The following COL7A1 variants were observed in gnomAD, a reference collection of about 807,000 sequenced individuals.
The protein encoded by COL7A1 is collagen type VII alpha 1 chain, also known as collagen alpha-1(VII) chain.
A neutral mutation model predicts 456.2 loss-of-function variants in COL7A1; 296 were observed. The ratio of observed to expected loss-of-function variants is 0.65; its 90% confidence interval spans 0.59 to 0.71. COL7A1 has a LOEUF of 0.71. Among genes scored for constraint, COL7A1 ranks in the 30% least tolerant of loss-of-function variants. The pLI is 0.00. For missense variants in COL7A1, 3,441 were observed against 4,017.2 expected (o/e 0.86, Z 3.88); for synonymous variants, 1,464 against 1,525.9 (o/e 0.96, Z 0.95).
chr3:48,580,076 A>G lies in COL7A1; in HGVS notation c.5098-19T>C. On this transcript the variant is annotated intron_variant, in intron 56 of 118. Coordinates refer to ENST00000681320, the MANE Select transcript of COL7A1 (RefSeq NM_000094.4). This position sits in a 1 kb window ranked among gnomAD's most constrained non-coding sequence, Gnocchi z 4.5. ...GGGGACCCTGGGAAAGGAAATGATTATAGTCAATAGGAGCCCTCAGGTCCC... is the reference window on the plus strand; with the variant it reads ...GGGGACCCTGGGAAAGGAAATGATTGTAGTCAATAGGAGCCCTCAGGTCCC... 6.2e-7 allele frequency: 1 copy of G among 1,613,640 alleles called. No individual in the cohort carries two copies. The highest frequency in any genetic ancestry group is 8.5e-7 in the Non-Finnish European group (1 of 1,179,764).
In COL7A1 at chr3:48,565,416, C is replaced by T. The variant is rs1575415309; in HGVS notation, c.8521G>A (p.Glu2841Lys). ...VPVLRVSHAE[E>K]EERVPPEDDE... is the part of the protein sequence containing the mutation. ...CGGGTTCAGCTGTCCTCACCTTCCT[C>T]CTCTGCATGAGAGACGCGGAGCACA... Residue 2841 changes from glutamate to lysine, a missense_variant, in exon 116 of 119, where the codon GAG (glutamate) becomes AAG (lysine). Glu to Lys is a moderately conservative substitution (Grantham distance 56). Coordinates refer to ENST00000681320, the MANE Select transcript of COL7A1 (RefSeq NM_000094.4). The surrounding 1 kb of genome is among the most constrained non-coding windows in gnomAD (Gnocchi z 4.5). 1 of 1,609,266 alleles carries T rather than the reference C, an allele frequency of 6.2e-7. No homozygotes were observed. Among genetic ancestry groups the T allele is most frequent in the Non-Finnish European group, 8.5e-7 (1 of 1,177,886 alleles).
Position 48,586,471 on chromosome 3 carries a change from G to A in COL7A1, c.3411C>T (p.Ala1137=), listed in dbSNP as rs548139799. ...ACATGTATCTGTGAGCTGTGACCAC[G>A]GCTGTGCCTGGAAGGAAGGACATGT... The part of the protein sequence containing the change: ...MDPSGNNLGT[A]VVTAHRYMLA... Residue 1137 remains alanine, a synonymous_variant, in exon 27 of 119, where the codon GCC becomes GCT. Coordinates refer to ENST00000681320, the MANE Select transcript of COL7A1 (RefSeq NM_000094.4). The surrounding 1 kb of genome is among the most constrained non-coding windows in gnomAD (Gnocchi z 5.1). 49 of 1,613,774 alleles carry A rather than the reference G, an allele frequency of 3.0e-5. No homozygotes were observed. Among genetic ancestry groups the A allele is most frequent in the South Asian group, 9.9e-5 (9 of 91,080 alleles).
rs181486713 is a variant in COL7A1 at position 48,592,901 on chromosome 3, C to T, written c.720G>A (p.Leu240=). The change falls in exon 7 of 119, where the codon CTG becomes CTA. Residue 240 remains leucine, a synonymous_variant. Transcript: ENST00000681320. The surrounding 1 kb of genome is among the most constrained non-coding windows in gnomAD (Gnocchi z 7.6). The stretch of plus-strand genomic sequence containing the variant: ...TCAAGGATTGGCTGCTTGGCTCAGA[C>T]AGCACCAGGTCTCGTGGAGCAGAGG... ...DSTSAPRDLV[L]SEPSSQSLRV... 6.2e-6 allele frequency: 10 copies of T among 1,614,046 alleles called. No individual in the cohort carries two copies. The Admixed American group carries it at 1.5e-4, about 24-fold the overall frequency.
chr3:48,582,744 G>T, intron 44 of COL7A1, 91 bp from the exon 45 acceptor site: 1 of 1,410,424 alleles, frequency 7.1e-7, no homozygotes, highest in Non-Finnish European at 9.9e-7. Flanking sequence ...GGCTGGAGAG[G>T]GGTCAGGGAA....
At position 48,594,660 on chromosome 3, in the gene COL7A1, G is replaced by T; in HGVS notation, c.86-112C>A. ...GTGGGGAGAGTAGGCCTCATCTTAT[G>T]CAAACCAGGGCCGAATCGGCCTGAG... On this transcript the variant is annotated intron_variant, in intron 2 of 118. Transcript: ENST00000681320. The surrounding 1 kb of genome is among the most constrained non-coding windows in gnomAD (Gnocchi z 5.5). The T allele has an allele frequency of 7.7e-7, 1 of 1,292,964 alleles. No individual in the cohort carries two copies. Among genetic ancestry groups the T allele is most frequent in the Non-Finnish European group, 1.1e-6 (1 of 938,188 alleles). 80.1% of individuals were successfully genotyped at this position (1,292,964 alleles called of 1,614,324 possible). A position where few individuals can be genotyped will look rare whatever the true frequency, so the allele number is the denominator to read the frequency against.
Position 48,575,202 on chromosome 3 carries a change from C to T in COL7A1, c.6216+5G>A. ...GCCTGCCCCACGAAGCCCATCGCAG[C>T]CCACCTGTTCTCCACGTTCTCCTTT... On this transcript the variant is annotated splice_donor_5th_base_variant and intron_variant, in intron 75 of 118. Coordinates refer to ENST00000681320, the MANE Select transcript of COL7A1 (RefSeq NM_000094.4). The surrounding 1 kb of genome is among the most constrained non-coding windows in gnomAD (Gnocchi z 6.3). The T allele has an allele frequency of 6.2e-7, 1 of 1,614,024 alleles. No individual in the cohort carries two copies. The highest frequency in any genetic ancestry group is 8.5e-7 in the Non-Finnish European group (1 of 1,179,998).
chr3:48,574,709 TG>T lies in COL7A1; in HGVS notation c.6360del (p.Ser2121AlafsTer85). 6.2e-7 allele frequency: 1 copy of T among 1,613,972 alleles called. No individual in the cohort carries two copies. Among genetic ancestry groups the T allele is most frequent in the Non-Finnish European group, 8.5e-7 (1 of 1,180,022 alleles). Reference sequence around the variant, plus strand: ...CCTTTGGGACCTTGGTCACCATTGCTGCCCGGCTCCCCCTGTGGGGATGAGA... The same window carrying T: ...CCTTTGGGACCTTGGTCACCATTGCTCCCGGCTCCCCCTGTGGGGATGAGA... ...PGLKGAKGEP[G>X]SNGDQGPKGD... is the part of the protein sequence containing the mutation. On this transcript the variant is annotated frameshift_variant, in exon 78 of 119. Transcript: ENST00000681320. LOFTEE classifies it high-confidence loss of function. This position sits in a 1 kb window ranked among gnomAD's most constrained non-coding sequence, Gnocchi z 5.0.
In COL7A1 at chr3:48,570,314, C is replaced by A; in HGVS notation, c.7401G>T (p.Leu2467=). 2 of 1,614,096 alleles carry A rather than the reference C, an allele frequency of 1.2e-6. No individual in the cohort carries two copies. Among genetic ancestry groups the A allele is most frequent in the Non-Finnish European group, 1.7e-6 (2 of 1,179,978 alleles). ...CCCCACGCTCGCCTCGGGGCCCAGG[C>A]AGCCCTACTCCAGGGTCTCCCTGGA... ...KGDKGDPGVG[L]PGPRGERGEP... is the part of the protein sequence containing the mutation. Residue 2467 remains leucine, a synonymous_variant, in exon 98 of 119, where the codon CTG becomes CTT. Coordinates refer to ENST00000681320, the MANE Select transcript of COL7A1 (RefSeq NM_000094.4). The surrounding 1 kb of genome is among the most constrained non-coding windows in gnomAD (Gnocchi z 5.5).
chr3:48,579,426 A>G lies in COL7A1; in HGVS notation c.5272-22T>C. On this transcript the variant is annotated intron_variant, in intron 60 of 118. Transcript: ENST00000681320. The surrounding 1 kb of genome is among the most constrained non-coding windows in gnomAD (Gnocchi z 4.4). ...CCCCCTGGAGGGAACAGGGTCAGAT[A>G]AGAGGTGAGGGTAAGATGGGGACTT... 6.2e-7 allele frequency: 1 copy of G among 1,614,156 alleles called. No homozygotes were observed. Among genetic ancestry groups the G allele is most frequent in the Non-Finnish European group, 8.5e-7 (1 of 1,180,024 alleles).
rs2043648120 is a variant in COL7A1, at chr3:48,567,226, T to C, written c.8047-36A>G. On this transcript the variant is annotated intron_variant, in intron 109 of 118. Transcript: ENST00000681320. This position sits in a 1 kb window ranked among gnomAD's most constrained non-coding sequence, Gnocchi z 4.3. ...AAGAAGCATGAGAGACCTTCTGCCC[T>C]GACCTCCCTCAGCTCTGGAACCTCC... The C allele has an allele frequency of 6.2e-7, 1 of 1,612,070 alleles. No homozygotes were observed. Among genetic ancestry groups the C allele is most frequent in the Non-Finnish European group, 8.5e-7 (1 of 1,179,166 alleles).
In COL7A1 at chr3:48,589,649, G is replaced by A. The variant is rs2045552454; in HGVS notation, c.2120C>T (p.Thr707Ile). ...GTATCCTGTGGCGCCAGGAACCCTG[G>A]TCCAGGTAATGGTGACAGATGAGCT... ...ASSSSVTITW[T>I]RVPGATGYRV... Residue 707 changes from threonine to isoleucine, a missense_variant, in exon 17 of 119, where the codon ACC (threonine) becomes ATC (isoleucine). Thr to Ile is a moderately conservative substitution (Grantham distance 89). Around this residue, in one of 3 missense-constraint regions of COL7A1, gnomAD observed 913 missense variants for 1,088.2 expected, o/e 0.84. Transcript: ENST00000681320. 6.2e-7 allele frequency: 1 copy of A among 1,614,008 alleles called. No individual in the cohort carries two copies. The highest frequency in any genetic ancestry group is 1.1e-5 in the South Asian group (1 of 91,086).
Position 48,581,008 on chromosome 3 carries a change from A to T in COL7A1, c.4936-82T>A. 6.2e-7 allele frequency: 1 copy of T among 1,603,544 alleles called. No individual in the cohort carries two copies. Among genetic ancestry groups the T allele is most frequent in the East Asian group, 2.2e-5 (1 of 44,718 alleles). On this transcript the variant is annotated intron_variant, in intron 53 of 118. Transcript: ENST00000681320. The surrounding 1 kb of genome is among the most constrained non-coding windows in gnomAD (Gnocchi z 5.8). ...GGGAGAGGGGACAGAGAAGGGTCTG[A>T]GCAGCAGCTGGACAGGAGGCAGGGA...
At position 48,570,326 on chromosome 3, in the gene COL7A1, A is replaced by G. The variant is rs763852342; in HGVS notation, c.7389T>C (p.Pro2463=). 1 of 1,614,032 alleles carries G rather than the reference A, an allele frequency of 6.2e-7. No homozygotes were observed. Among genetic ancestry groups the G allele is most frequent in the African/African-American group, 1.3e-5 (1 of 75,010 alleles). The stretch of plus-strand genomic sequence containing the variant: ...CTCGGGGCCCAGGCAGCCCTACTCC[A>G]GGGTCTCCCTGGAGACCAACAGGAC... ...ASGLKGDKGD[P]GVGLPGPRGE... The change falls in exon 98 of 119, where the codon CCT becomes CCC. Residue 2463 remains proline (P), a synonymous_variant. Coordinates refer to ENST00000681320, the MANE Select transcript of COL7A1 (RefSeq NM_000094.4). This position sits in a 1 kb window ranked among gnomAD's most constrained non-coding sequence, Gnocchi z 5.5.
At position 48,569,366 on chromosome 3, in the gene COL7A1, T is replaced by C. The variant is rs368187472; in HGVS notation, c.7686+9A>G. On this transcript the variant is annotated intron_variant, in intron 103 of 118. Coordinates refer to ENST00000681320, the MANE Select transcript of COL7A1 (RefSeq NM_000094.4). The surrounding 1 kb of genome is among the most constrained non-coding windows in gnomAD (Gnocchi z 4.9). ...CCCCACAGAGAGTACACCACCCTCT[T>C]CCCTGTACCTTGTCACCAGGGTCCC... is the stretch of plus-strand genomic sequence containing the variant. 3.1e-6 allele frequency: 5 copies of C among 1,613,862 alleles called. No homozygotes were observed. The highest frequency in any genetic ancestry group is 1.7e-4 in the Middle Eastern group (1 of 6,060).
Position 48,574,505 on chromosome 3 carries a change from C to T in COL7A1, c.6439G>A (p.Gly2147Ser). The change falls in exon 79 of 119, where the codon GGT becomes AGT. Residue 2147 changes from glycine to serine, a missense_variant. Coordinates refer to ENST00000681320, the MANE Select transcript of COL7A1 (RefSeq NM_000094.4). The surrounding 1 kb of genome is among the most constrained non-coding windows in gnomAD (Gnocchi z 5.0). The stretch of plus-strand genomic sequence containing the variant: ...GGACTTACCGGGTTGCCGTCCTGAC[C>T]CCTCGGTCCAGGCTCTCCCCGGTCT... ...KGDRGEPGPR[G>S]QDGNPGLPGE... 3 of 1,614,062 alleles carry T rather than the reference C, an allele frequency of 1.9e-6. No individual in the cohort carries two copies. The highest frequency in any genetic ancestry group is 8.5e-7 in the Non-Finnish European group (1 of 1,180,022).
chr3:48,570,121 C>T lies in COL7A1; in HGVS notation c.7485+13G>A. 1 of 1,614,102 alleles carries T rather than the reference C, an allele frequency of 6.2e-7. No homozygotes were observed. Among genetic ancestry groups the T allele is most frequent in the East Asian group, 2.2e-5 (1 of 44,884 alleles). Reference sequence around the variant, plus strand: ...GAAGTCACAGCACTGTCACTTTCCCCAGCGGGACCCACCGTGAGTCCTCGG... The same window carrying T: ...GAAGTCACAGCACTGTCACTTTCCCTAGCGGGACCCACCGTGAGTCCTCGG... On this transcript the variant is annotated intron_variant, in intron 99 of 118. Coordinates refer to ENST00000681320, the MANE Select transcript of COL7A1 (RefSeq NM_000094.4). The surrounding 1 kb of genome is among the most constrained non-coding windows in gnomAD (Gnocchi z 5.5).
rs1358332837 is a variant in COL7A1, at chr3:48,582,326, C to G, written c.4632G>C (p.Val1544=). 1 of 1,614,012 alleles carries G rather than the reference C, an allele frequency of 6.2e-7. No homozygotes were observed. The highest frequency in any genetic ancestry group is 1.7e-5 in the Admixed American group (1 of 60,024). ...GCGCCATCCTCCCGTCACTCACCAC[C>G]ACTGCAGGGTCCCCAGGGCGACCAG... ...GEPGRPGDPA[V]VGPAVAGPKG... Residue 1544 remains valine, a synonymous_variant, in exon 47 of 119, where the codon GTG becomes GTC. Transcript: ENST00000681320.
chr3:48,564,660 T>G lies in COL7A1; in HGVS notation c.8818+123A>C, dbSNP rs1170421886. ...GTCTGGGCGTCTGCCCCAGGTCCCC[T>G]ACTGCGAGGGAGCGTCTCCTCCAGG... On this transcript the variant is annotated intron_variant, in intron 118 of 118. Transcript: ENST00000681320. The surrounding 1 kb of genome is among the most constrained non-coding windows in gnomAD (Gnocchi z 6.0). The G allele has an allele frequency of 5.9e-5, 71 of 1,205,068 alleles. No individual in the cohort carries two copies. In the South Asian group the frequency reaches 9.9e-4, roughly 17 times the overall value. 74.6% of individuals were successfully genotyped at this position (1,205,068 alleles called of 1,614,324 possible). A position where few individuals can be genotyped will look rare whatever the true frequency, so the allele number is the denominator to read the frequency against.
In COL7A1 at chr3:48,572,782, C is replaced by T; in HGVS notation, c.6832-43G>A. ...GAGGAACTCAGTGCCTCTCCACCACCACCCCTGCTGCCCCACTCCTCATAT... is the reference window on the plus strand; with the variant it reads ...GAGGAACTCAGTGCCTCTCCACCACTACCCCTGCTGCCCCACTCCTCATAT... On this transcript the variant is annotated intron_variant, in intron 87 of 118. Transcript: ENST00000681320. This position sits in a 1 kb window ranked among gnomAD's most constrained non-coding sequence, Gnocchi z 4.6. The T allele has an allele frequency of 1.2e-6, 2 of 1,611,960 alleles. No homozygotes were observed. The highest frequency in any genetic ancestry group is 1.7e-6 in the Non-Finnish European group (2 of 1,178,890).
Sources: allele counts gnomAD v4.1 joint callset, GRCh38; gene constraint gnomAD v4.1.1; regional missense constraint gnomAD v4.1.1; non-coding constraint Gnocchi (gnomAD v3.1); transcripts MANE v1.5; gene names NCBI Gene and HGNC (gene_info 2026-07-23, HGNC 2026-07-21).